OVOL3: variants seen among roughly 807,000 people sequenced by gnomAD.
OVOL3 encodes the protein ovo like zinc finger 3.
In OVOL3, 15 loss-of-function variants were observed where a neutral mutation model predicts 13.6. The ratio of observed to expected loss-of-function variants is 1.11; its 90% CI spans 0.74 to 1.70. OVOL3 has a LOEUF of 1.70. Among genes scored for constraint, OVOL3 ranks in the 40% most tolerant of loss-of-function variants. The pLI, the probability that OVOL3 is intolerant of heterozygous loss-of-function variation, is 0.00. For synonymous variants in OVOL3, 102 were observed against 108.5 expected, an observed-to-expected ratio of 0.94 and a Z score of 0.37; for missense variants, 290 against 280.6, an observed-to-expected ratio of 1.03 and a Z score of -0.24.
chr19:36,111,772 A>G (rs1320096477), intron 2 of OVOL3: 3 of 516,664 alleles, frequency 5.8e-6, no homozygotes, highest in South Asian at 1.5e-5. Context: ...TCAGCTGTGC[A>G]TGCATTGGAG....
intron 2 of OVOL3, chr19:36,111,688 C>G (rs1242406614): frequency 1.5e-6 from 1 of 654,690 alleles, no homozygotes; most frequent in African/African-American, 1.8e-5. Context: ...GATTCATCCC[C>G]ACATGTGGAT....
Sources: allele counts gnomAD v4.1 joint callset, GRCh38; gene constraint gnomAD v4.1.1; transcripts MANE v1.5; gene names NCBI Gene and HGNC (gene_info 2026-07-23, HGNC 2026-07-21).